The following HELZ2 variants were observed in gnomAD, a reference collection of about 807,000 sequenced individuals.
HELZ2 encodes 3'-5' exoribonuclease HELZ2.
HELZ2 carries 143 observed loss-of-function variants against 208.8 expected under a neutral mutation model. The observed-to-expected ratio is 0.68, with a 90% CI of 0.60 to 0.79. The LOEUF (loss-of-function observed/expected upper bound fraction) is 0.79, where lower values mean the gene tolerates loss of function less well. HELZ2 is among the 30% of genes least tolerant of loss of function. HELZ2 has a pLI of 0.00. For missense variants in HELZ2, 3,690 were observed against 3,794.5 expected (o/e 0.97, Z 0.72); for synonymous variants, 1,705 against 1,693.7 (o/e 1.01, Z -0.16).
exon 8 of HELZ2, chr20:63,564,565 C>T: frequency 6.4e-7 from 1 of 1,568,436 alleles, no homozygotes; most frequent in Non-Finnish European, 8.6e-7. Context: ...CCCGGCCAGG[C>T]AGGAGGCTGA....
At chr20:63,560,352 A>C (rs754465778) in intron 16 of HELZ2, 25 bp from the exon 18 acceptor site, 26 of 1,556,948 alleles carry the variant, frequency 1.7e-5, no homozygotes, top group Non-Finnish European at 2.0e-5. Context: ...GGGCAGGTGG[A>C]GCGGACCCTG....
exon 8 of HELZ2, chr20:63,565,932 G>C (rs747066534): frequency 4.4e-6 from 7 of 1,598,504 alleles, no homozygotes; most frequent in East Asian, 4.5e-5. Context: ...TGTGTGCCTC[G>C]GGGAGGCCAG....
chr20:63,570,719 G>C, exon 2 of HELZ2: 4 of 1,601,684 alleles, frequency 2.5e-6, no homozygotes, highest in Non-Finnish European at 3.4e-6. Context: ...CTGGTACTCG[G>C]CCAGCAGCCG....
exon 5 of HELZ2, chr20:63,568,788 G>A (rs200446090): frequency 4.5e-5 from 72 of 1,611,298 alleles, no homozygotes; most frequent in South Asian, 2.4e-4. Flanking sequence ...CTCTCCAGCC[G>A]CACCTCGAAC....
At position 63,559,398 on chromosome 20, in the gene HELZ2, CAGTCAGGGTCAGGTGGGAGG is replaced by C. The variant is rs770624133; in HGVS notation, c.7826-48_7826-29del. On this transcript the variant is annotated intron_variant, in intron 18 of 18. Transcript: ENST00000467148. Reference sequence around the variant, plus strand: ...GTGAGGGTGGGAGTCAGATGGGAGTCAGTCAGGGTCAGGTGGGAGGAGTCAGGGTCAGGTGGGAGGAGTCA... The same window carrying C: ...GTGAGGGTGGGAGTCAGATGGGAGTCAGTCAGGGTCAGGTGGGAGGAGTCA... The C allele has an allele frequency of 8.9e-3, 13,710 of 1,537,814 alleles. 353 individuals carry two copies. Among genetic ancestry groups the C allele is most frequent in the Middle Eastern group, 0.014 (59 of 4,244 alleles).
intron 3 of HELZ2, chr20:63,570,159 C>G (rs1357275117): frequency 4.4e-6 from 2 of 458,754 alleles, no homozygotes; most frequent in South Asian, 3.3e-5. Flanking sequence ...GGAGTTTCAC[C>G]CTATTGGCCA....
exon 8 of HELZ2, chr20:63,562,679 G>A (rs776683168): frequency 2.3e-5 from 37 of 1,598,210 alleles, no homozygotes; most frequent in Middle Eastern, 1.6e-4. Context: ...CCAGTCCTGC[G>A]TCTGCCCGTG....
At chr20:63,561,174 G>C in exon 14 of HELZ2, 1 of 1,613,116 alleles carries the variant, frequency 6.2e-7, no homozygotes, top group South Asian at 1.1e-5. Context: ...CTCACGTCCA[G>C]GATTTTGAGG....
At chr20:63,563,558 C>A in exon 8 of HELZ2, 1 of 1,519,928 alleles carries the variant, frequency 6.6e-7, no homozygotes, top group Non-Finnish European at 8.8e-7. Flanking sequence ...GAAGAGCAGC[C>A]GGAAGCAGCG....
Position 63,563,863 on chromosome 20 carries a change from GC to G in HELZ2, c.4958del (p.Gly1653AlafsTer317). The G allele has an allele frequency of 1.3e-6, 2 of 1,595,622 alleles. No individual in the cohort carries two copies. On this transcript the variant is annotated frameshift_variant, in exon 8 of 19. Coordinates refer to ENST00000467148, the Ensembl canonical transcript of HELZ2. LOFTEE classifies it high-confidence loss of function. ...AGTAGTGGCCGCCCTGCTGCTGGTG[GC>G]CCCGGGCGCAGCGGCCGAACGCCGA...
At position 63,564,439 on chromosome 20, in the gene HELZ2, C is replaced by T. The variant is rs369602269; in HGVS notation, c.4383G>A (p.Ala1461=). The change falls in exon 8 of 19, where the codon GCG becomes GCA. Residue 1461 remains alanine (A), a synonymous_variant. Coordinates refer to ENST00000467148, the Ensembl canonical transcript of HELZ2. Reference sequence around the variant, plus strand: ...CCGGGTGCTGCCTGATCACCTCCTCCGCCTCCTCGTAGGACAGCTGGCGGT... The same window carrying T: ...CCGGGTGCTGCCTGATCACCTCCTCTGCCTCCTCGTAGGACAGCTGGCGGT... 2.9e-5 allele frequency: 45 copies of T among 1,558,392 alleles called. No individual in the cohort carries two copies. In the African/African-American group the frequency reaches 5.3e-4, roughly 18 times the overall value.
At chr20:63,564,546 C>T (rs1213607082) in exon 8 of HELZ2, 3 of 1,570,560 alleles carry the variant, frequency 1.9e-6, no homozygotes, top group Admixed American at 1.9e-5. Flanking sequence ...AGGGAGATGG[C>T]CAGGCGGTCC....
exon 8 of HELZ2, chr20:63,566,188 G>A (rs1241802776): frequency 2.0e-6 from 3 of 1,520,440 alleles, no homozygotes; most frequent in Non-Finnish European, 2.6e-6. Flanking sequence ...GCAGGCTCTG[G>A]CAGGTGTGCA....
At chr20:63,570,646 G>GACCCC (rs772712068) in intron 2 of HELZ2, 35 bp from the exon 4 acceptor site, 33 of 1,579,108 alleles carry the variant, frequency 2.1e-5, no homozygotes, top group Non-Finnish European at 2.4e-5. Flanking sequence ...AAGAGGCCTG[G>GACCCC]ACCCCACCCC....
rs115849318 is a variant in HELZ2, at chr20:63,564,492, G to T, written c.4330C>A (p.Arg1444Ser). ...GACTGGACCACGGAGGGTGCAAAGC[G>T]CAGGCTCTTCAGCTGGCCACTGGCC... is the stretch of plus-strand genomic sequence containing the variant. The change falls in exon 8 of 19, where the codon CGC becomes AGC. Residue 1444 changes from arginine (R) to serine (S), a missense_variant. By Grantham distance (110) the Arg-to-Ser change is moderately radical. Transcript: ENST00000467148. 10 of 1,587,410 alleles carry T rather than the reference G, an allele frequency of 6.3e-6. No individual in the cohort carries two copies. In the South Asian group the frequency reaches 8.0e-5, roughly 13 times the overall value.
chr20:63,564,871 G>A (rs563877636), exon 8 of HELZ2: 2 of 1,612,188 alleles, frequency 1.2e-6, no homozygotes, highest in Non-Finnish European at 1.7e-6. Flanking sequence ...GCAGCACCTT[G>A]GTGATGGTGG....
In HELZ2 at chr20:63,559,307, T is replaced by C. The variant is rs113364666; in HGVS notation, c.7889A>G (p.Gln2630Arg). The C allele has an allele frequency of 2.7e-3, 4,329 of 1,600,170 alleles. 88 individuals are homozygous for C. The African/African-American group carries it at 0.046, about 17-fold the overall frequency. ...CTGGCCGGCAGGCACGAGGGTCTGCTGAGCCTCGCAGAAGTCCAGGAGGCT... is the reference window on the plus strand; with the variant it reads ...CTGGCCGGCAGGCACGAGGGTCTGCCGAGCCTCGCAGAAGTCCAGGAGGCT... The change falls in exon 19 of 19, where the codon CAG becomes CGG. Residue 2630 changes from glutamine (Q) to arginine (R), a missense_variant. Around this residue, in one of 3 missense-constraint regions of HELZ2, gnomAD observed 2,564 missense variants for 2,580.5 expected, o/e 0.99. Coordinates refer to ENST00000467148, the Ensembl canonical transcript of HELZ2.
chr20:63,560,532 T>G (rs763935836), exon 16 of HELZ2: 1 of 1,613,094 alleles, frequency 6.2e-7, no homozygotes, highest in Non-Finnish European at 8.5e-7. Context: ...CCTTCGTCCG[T>G]GGACACCAGC....
exon 8 of HELZ2, chr20:63,564,851 T>G (rs1469590970): frequency 1.9e-6 from 3 of 1,611,670 alleles, no homozygotes; most frequent in Non-Finnish European, 2.5e-6. Flanking sequence ...AAGCTCCGTG[T>G]GGTATTTCTG....
Sources: allele counts gnomAD v4.1 joint callset, GRCh38; gene constraint gnomAD v4.1.1; regional missense constraint gnomAD v4.1.1; transcripts MANE v1.5; gene names NCBI Gene and HGNC (gene_info 2026-07-23, HGNC 2026-07-21).